PCP4: variants seen among roughly 807,000 people sequenced by gnomAD.
PCP4 encodes Purkinje cell protein 4.
In PCP4, 8 loss-of-function variants were observed where a neutral mutation model predicts 10.0. The ratio of observed to expected loss-of-function variants is 0.80; its 90% CI spans 0.47 to 1.45. PCP4 has a LOEUF of 1.45. Ranked by LOEUF, PCP4 falls within the 40% of genes most tolerant of loss-of-function variation. The pLI is 0.00. For synonymous variants in PCP4, 21 were observed against 23.0 expected, an observed-to-expected ratio of 0.91 and a Z score of 0.24; for missense variants, 54 against 74.4, an observed-to-expected ratio of 0.73 and a Z score of 1.01.
intron 1 of PCP4, among the ~76,000 whole-genome samples, chr21:39,882,070 A>T (rs1418926048): frequency 6.6e-6 from 1 of 152,252 alleles, no homozygotes; most frequent in Non-Finnish European, 1.5e-5. Flanking sequence ...CTGAAAAAAC[A>T]TAGCTGCTTG....
chr21:39,924,206 C>G (rs531225610), intron 2 of PCP4, among the ~76,000 whole-genome samples: 47 of 152,332 alleles, frequency 3.1e-4, no homozygotes, highest in African/African-American at 1.1e-3. Flanking sequence ...GCCTTTGCAG[C>G]TCTGGCCACG....
intron 1 of PCP4, chr21:39,898,211 A>G (rs371843724): frequency 8.9e-5 from 45 of 504,536 alleles, no homozygotes; most frequent in Non-Finnish European, 1.5e-4. Flanking sequence ...GTTGTGCTTG[A>G]TCTCCCTCCT....
intron 1 of PCP4, among the ~76,000 whole-genome samples, chr21:39,874,076 A>T (rs576731923): frequency 6.6e-6 from 1 of 152,304 alleles, no homozygotes; most frequent in South Asian, 2.1e-4. Context: ...GACAAATTAG[A>T]CTCATAAAGC....
chr21:39,879,441 A>G lies in PCP4; in HGVS notation c.9+11931A>G, dbSNP rs16998783. On this transcript the variant is annotated intron_variant, in intron 1 of 2. Coordinates refer to ENST00000328619, the MANE Select transcript of PCP4 (RefSeq NM_006198.3). Reference sequence around the variant, plus strand: ...CTCAGGCACTATTCTATGAATTTCCATGTCATCACTTTTTTTCTGAGTTCT... The same window carrying G: ...CTCAGGCACTATTCTATGAATTTCCGTGTCATCACTTTTTTTCTGAGTTCT... 2.7e-3 allele frequency among the ~76,000 whole-genome samples: 414 copies of G among 152,294 alleles called. 4 individuals are homozygous for G. Among genetic ancestry groups the G allele is most frequent in the African/African-American group, 8.4e-3 (349 of 41,546 alleles).
chr21:39,871,047 G>A (rs773533024), intron 1 of PCP4, among the ~76,000 whole-genome samples: 4 of 152,214 alleles, frequency 2.6e-5, no homozygotes, highest in Non-Finnish European at 5.9e-5. Context: ...CGAACTTAAT[G>A]TATACGTTAA....
At chr21:39,882,718 CT>C (rs562746273) in intron 1 of PCP4, among the ~76,000 whole-genome samples, 347 of 152,282 alleles carry the variant, frequency 2.3e-3, no homozygotes, top group Non-Finnish European at 3.8e-3. Context: ...GGTTTTTCCC[CT>C]AATCGTCTGT....
intron 2 of PCP4, among the ~76,000 whole-genome samples, chr21:39,904,099 TAGAG>T (rs1044528589): frequency 7.2e-5 from 11 of 152,178 alleles, no homozygotes; most frequent in Admixed American, 6.5e-4. Flanking sequence ...CTTAAGTAGG[TAGAG>T]AGAGAGGTCC....
chr21:39,895,233 A>T (rs1180536339), intron 1 of PCP4, among the ~76,000 whole-genome samples: 4 of 152,156 alleles, frequency 2.6e-5, no homozygotes, highest in Non-Finnish European at 5.9e-5. Context: ...TCATCCATTC[A>T]TCTATCCATC....
intron 2 of PCP4, among the ~76,000 whole-genome samples, chr21:39,923,528 T>A (rs1307257934): frequency 6.6e-6 from 1 of 152,198 alleles, no homozygotes; most frequent in Non-Finnish European, 1.5e-5. Context: ...AGGACTGGAG[T>A]ATGGAGGCAT....
rs561724850 is a variant in PCP4, at chr21:39,876,300, C to A, written c.9+8790C>A. Among the ~76,000 whole-genome samples, 18 of 152,200 alleles carry A rather than the reference C, an allele frequency of 1.2e-4. No individual in the cohort carries two copies. In the East Asian group the frequency reaches 3.5e-3, roughly 29 times the overall value. On this transcript the variant is annotated intron_variant, in intron 1 of 2. Coordinates refer to ENST00000328619, the MANE Select transcript of PCP4 (RefSeq NM_006198.3). The stretch of plus-strand genomic sequence containing the variant: ...ACCCCGCCCCTATCCTCTGGCAAAC[C>A]CATTCTATTTCTTACCTCTATCAGT...
At chr21:39,879,363 A>G (rs1478480306) in intron 1 of PCP4, among the ~76,000 whole-genome samples, 2 of 151,996 alleles carry the variant, frequency 1.3e-5, no homozygotes, top group Admixed American at 6.6e-5. Flanking sequence ...GTTCATAGTT[A>G]TTTTTCATCC....
intron 1 of PCP4, among the ~76,000 whole-genome samples, chr21:39,874,310 T>C (rs113768328): frequency 6.6e-6 from 1 of 152,306 alleles, no homozygotes; most frequent in Non-Finnish European, 1.5e-5. Flanking sequence ...TTCCTCGTAG[T>C]TCAAAAGACA....
chr21:39,918,164 T>C (rs2087578107), intron 2 of PCP4, among the ~76,000 whole-genome samples: 1 of 152,246 alleles, frequency 6.6e-6, no homozygotes, highest in South Asian at 2.1e-4. Context: ...GAATGAATTT[T>C]GCCTTTTCAA....
At chr21:39,890,457 G>A (rs904503590) in intron 1 of PCP4, among the ~76,000 whole-genome samples, 2 of 152,018 alleles carry the variant, frequency 1.3e-5, no homozygotes, top group Non-Finnish European at 2.9e-5. Flanking sequence ...CCAGGTTCAA[G>A]CGATTCTCCT....
intron 1 of PCP4, among the ~76,000 whole-genome samples, chr21:39,868,111 C>G (rs972487169): frequency 2.6e-4 from 39 of 152,210 alleles, no homozygotes; most frequent in Non-Finnish European, 1.0e-4. Context: ...TTTGCAAATC[C>G]AAAGTCACTT....
intron 2 of PCP4, among the ~76,000 whole-genome samples, chr21:39,925,010 G>A (rs1353888575): frequency 6.6e-6 from 1 of 152,184 alleles, no homozygotes; most frequent in East Asian, 1.9e-4. Flanking sequence ...CTCTTTCCCT[G>A]TGTGCCTATT....
At position 39,898,513 on chromosome 21, in the gene PCP4, C is replaced by A; in HGVS notation, c.47C>A (p.Thr16Lys). The part of the protein sequence containing the change: ...GAGATNGKDK[T>K]SGENDGQKKV... Reference sequence around the variant, plus strand: ...GGGGCAACCAATGGAAAAGACAAGACATCTGGTGAAAATGGTAAGAGGACA... The same window carrying A: ...GGGGCAACCAATGGAAAAGACAAGAAATCTGGTGAAAATGGTAAGAGGACA... Residue 16 changes from threonine to lysine, a missense_variant, in exon 2 of 3, where the codon ACA (threonine) becomes AAA (lysine). By Grantham distance (78) the Thr-to-Lys change is moderately conservative (BLOSUM62 -1). Coordinates refer to ENST00000328619, the MANE Select transcript of PCP4 (RefSeq NM_006198.3). 2 of 1,613,908 alleles carry A rather than the reference C, an allele frequency of 1.2e-6. No homozygotes were observed. The highest frequency in any genetic ancestry group is 1.3e-5 in the African/African-American group (1 of 75,030).
At chr21:39,890,587 T>C (rs991991575) in intron 1 of PCP4, among the ~76,000 whole-genome samples, 5 of 151,972 alleles carry the variant, frequency 3.3e-5, no homozygotes, top group African/African-American at 1.2e-4. Flanking sequence ...CAGGCTGGTC[T>C]CAAACTCCTG....
chr21:39,903,357 AG>A (rs2087489886), intron 2 of PCP4, among the ~76,000 whole-genome samples: 2 of 152,320 alleles, frequency 1.3e-5, no homozygotes, highest in South Asian at 4.1e-4. Flanking sequence ...TTTTAAGAAA[AG>A]AATCCCCTCA....
Sources: gnomAD v4.1 joint callset for allele counts (sites outside exome capture counted in the v4.1 genomes callset) on GRCh38, gnomAD v4.1.1 for gene constraint, MANE v1.5 for transcripts, NCBI Gene and HGNC (gene_info 2026-07-23, HGNC 2026-07-21) for gene names.